KBTBD8: variants seen among roughly 807,000 people sequenced by gnomAD.
The protein encoded by KBTBD8 is kelch repeat and BTB domain containing 8.
Under a neutral mutation model 53.5 loss-of-function variants are expected in KBTBD8, and 31 were observed. The observed-to-expected ratio is 0.58, with a 90% CI of 0.44 to 0.78. The LOEUF is 0.78. KBTBD8 is among the 30% of genes least tolerant of loss of function. KBTBD8 has a pLI of 0.00. For synonymous variants in KBTBD8, 250 were observed against 247.3 expected (o/e 1.01, Z -0.10); for missense variants, 642 against 735.8 (o/e 0.87, Z 1.48).
intron 3 of KBTBD8, among the ~76,000 whole-genome samples, chr3:67,005,496 C>G (rs1702057189): frequency 6.6e-6 from 1 of 152,162 alleles, no homozygotes; most frequent in African/African-American, 2.4e-5. Flanking sequence ...AAGCTCCCAT[C>G]TAGGTTTGTG....
chr3:67,007,319 G>GTTTTTT (rs35767804), intron 3 of KBTBD8, among the ~76,000 whole-genome samples: 1 of 134,394 alleles, frequency 7.4e-6, no homozygotes, highest in Non-Finnish European at 1.6e-5. Context: ...TCAAGTTTGT[G>GTTTTTT]TTTTTTTTTT....
At chr3:67,006,800 T>C (rs148310018) in intron 3 of KBTBD8, among the ~76,000 whole-genome samples, 2 of 152,258 alleles carry the variant, frequency 1.3e-5, no homozygotes, top group Non-Finnish European at 2.9e-5. Context: ...CAGAAGCTTA[T>C]GTTGTACTAT....
chr3:67,000,526 T>C (rs1267194799), intron 2 of KBTBD8, among the ~76,000 whole-genome samples: 1 of 152,208 alleles, frequency 6.6e-6, no homozygotes, highest in African/African-American at 2.4e-5. Context: ...ATTTTACTTA[T>C]GAAGAAGCTG....
chr3:67,004,586 TTAATAAA>T (rs1274612842), intron 3 of KBTBD8, among the ~76,000 whole-genome samples: 1 of 152,234 alleles, frequency 6.6e-6, no homozygotes, highest in Non-Finnish European at 1.5e-5. Flanking sequence ...AAAACATTCT[TTAATAAA>T]TAATAGTTCG....
chr3:66,998,387 G>C lies in KBTBD8; in HGVS notation c.16+16G>C. 7.7e-7 allele frequency: 1 copy of C among 1,292,412 alleles called. No individual in the cohort carries two copies. The highest frequency in any genetic ancestry group is 9.9e-7 in the Non-Finnish European group (1 of 1,012,130). The allele number at this position is 1,292,412 out of a possible 1,614,324, so 80.1% of individuals were successfully genotyped here. On this transcript the variant is annotated intron_variant, in intron 1 of 3. Coordinates refer to ENST00000417314, the MANE Select transcript of KBTBD8 (RefSeq NM_032505.3). ...GCGTCGGCAGGTGGGTCGTGTGGTG[G>C]CCAGGGCGGCGTGGAGGGAGGTGAG...
At position 67,011,170 on chromosome 3, in the gene KBTBD8, A is replaced by T. The variant is rs1702113324; in HGVS notation, c.*2785A>T. 1 of 152,570 alleles carries T rather than the reference A, an allele frequency of 6.6e-6. No individual in the cohort carries two copies. Among genetic ancestry groups the T allele is most frequent in the South Asian group, 2.1e-4 (1 of 4,828 alleles). The allele number at this position is 152,570 out of a possible 1,614,324, so 9.5% of individuals were successfully genotyped here. The stretch of plus-strand genomic sequence containing the variant: ...GCACAATTTTTTGCATTTTTACCTG[A>T]TGTCATTGTTTCTTATAATAAAACC... On this transcript the variant is annotated 3_prime_UTR_variant, in exon 4 of 4. Transcript: ENST00000417314.
Position 67,004,040 on chromosome 3 carries a change from A to G in KBTBD8, c.1073A>G (p.Asn358Ser). Residue 358 changes from asparagine (N) to serine (S), a missense_variant, in exon 3 of 4, where the codon AAT becomes AGT. Transcript: ENST00000417314. ...GTCTCCATCGACCATAAGGCAGAAAATGATTTCTGGATGTATGATCATTCC... is the reference window on the plus strand; with the variant it reads ...GTCTCCATCGACCATAAGGCAGAAAGTGATTTCTGGATGTATGATCATTCC... Reference protein sequence around the residue: ...SEVSIDHKAENDFWMYDHSTN... With the variant: ...SEVSIDHKAESDFWMYDHSTN... 6.2e-7 allele frequency: 1 copy of G among 1,614,136 alleles called. No individual in the cohort carries two copies. Among genetic ancestry groups the G allele is most frequent in the Admixed American group, 1.7e-5 (1 of 60,016 alleles).
At chr3:66,998,868 T>C in intron 1 of KBTBD8, 113 bp from the exon 2 acceptor site, 1 of 797,836 alleles carries the variant, frequency 1.3e-6, no homozygotes. Context: ...CAGACATTTG[T>C]ATATATCTTG....
intron 3 of KBTBD8, among the ~76,000 whole-genome samples, 200 bp from the exon 4 acceptor site, chr3:67,007,722 T>C (rs981264697): frequency 6.6e-6 from 1 of 152,152 alleles, no homozygotes; most frequent in Non-Finnish European, 1.5e-5. Context: ...ATCTGTTATA[T>C]TGTGTCATGG....
At chr3:66,999,284 A>G (rs1254172118) in intron 2 of KBTBD8, 93 bp downstream of exon 2, 12 of 973,092 alleles carry the variant, frequency 1.2e-5, no homozygotes, top group Non-Finnish European at 1.9e-5. Flanking sequence ...GAGATGCGAT[A>G]ATGAAATGAA....
rs765704147 is a variant in KBTBD8 at position 67,004,232 on chromosome 3, C to T, written c.1265C>T (p.Thr422Met). The T allele has an allele frequency of 1.5e-5, 24 of 1,613,992 alleles. No individual in the cohort carries two copies. The highest frequency in any genetic ancestry group is 3.3e-4 in the Middle Eastern group (2 of 6,084). Residue 422 changes from threonine to methionine, a missense_variant, in exon 3 of 4, where the codon ACG becomes ATG. Thr to Met is a moderately conservative substitution (Grantham distance 81). Coordinates refer to ENST00000417314, the MANE Select transcript of KBTBD8 (RefSeq NM_032505.3). The stretch of plus-strand genomic sequence containing the variant: ...TACGACAGTAGAGAGAATTGTTGGA[C>T]GACTGTTTGCGCGATGCCAGTTGCA... The part of the protein sequence containing the change: ...ECYDSRENCW[T>M]TVCAMPVAME...
At chr3:66,999,854 A>G (rs1206275262) in intron 2 of KBTBD8, among the ~76,000 whole-genome samples, 1 of 152,190 alleles carries the variant, frequency 6.6e-6, no homozygotes, top group Non-Finnish European at 1.5e-5. Flanking sequence ...AATATCCAAG[A>G]TTTCTAGAAG....
rs751414051 is a variant in KBTBD8, at chr3:67,003,431, T to A, written c.464T>A (p.Val155Asp). Reference protein sequence around the residue: ...SHLDPQNSIGVFIFADHYGHQ... With the variant: ...SHLDPQNSIGDFIFADHYGHQ... ...TTGGACCCACAGAATTCTATTGGGGTCTTTATCTTTGCTGATCATTATGGT... is the reference window on the plus strand; with the variant it reads ...TTGGACCCACAGAATTCTATTGGGGACTTTATCTTTGCTGATCATTATGGT... The change falls in exon 3 of 4, where the codon GTC (valine) becomes GAC (aspartate). Residue 155 changes from valine (V) to aspartate (D), a missense_variant. Val to Asp is a radical substitution (Grantham distance 152). Transcript: ENST00000417314. The A allele has an allele frequency of 6.2e-7, 1 of 1,613,956 alleles. No homozygotes were observed. The highest frequency in any genetic ancestry group is 8.5e-7 in the Non-Finnish European group (1 of 1,179,914).
chr3:67,001,880 A>G (rs1373596932), intron 2 of KBTBD8, among the ~76,000 whole-genome samples: 1 of 152,182 alleles, frequency 6.6e-6, no homozygotes, highest in East Asian at 1.9e-4. Context: ...TTTGCAATTC[A>G]TTTTTCATAA....
In KBTBD8 at chr3:67,008,126, C is replaced by A. The variant is rs763821679; in HGVS notation, c.1547C>A (p.Pro516Gln). ...AAATGGACTCGTAAGAAAGACTTTCCATGTGATCAGTCCATAAATCCATAC... is the reference window on the plus strand; with the variant it reads ...AAATGGACTCGTAAGAAAGACTTTCAATGTGATCAGTCCATAAATCCATAC... ...LNKWTRKKDF[P>Q]CDQSINPYLK... Residue 516 changes from proline to glutamine, a missense_variant, in exon 4 of 4, where the codon CCA (proline) becomes CAA (glutamine). Coordinates refer to ENST00000417314, the MANE Select transcript of KBTBD8 (RefSeq NM_032505.3). 2 of 1,614,024 alleles carry A rather than the reference C, an allele frequency of 1.2e-6. No homozygotes were observed. Among genetic ancestry groups the A allele is most frequent in the Non-Finnish European group, 1.7e-6 (2 of 1,179,968 alleles).
In KBTBD8 at chr3:67,003,285, C is replaced by A. The variant is rs1575579422; in HGVS notation, c.318C>A (p.Asn106Lys). The A allele has an allele frequency of 6.2e-7, 1 of 1,613,938 alleles. No individual in the cohort carries two copies. The highest frequency in any genetic ancestry group is 2.2e-5 in the East Asian group (1 of 44,886). Reference protein sequence around the residue: ...VEAESMDLVLNYAYTSRVILT... With the variant: ...VEAESMDLVLKYAYTSRVILT... The stretch of plus-strand genomic sequence containing the variant: ...CTGAATCGATGGATTTAGTGTTGAA[C>A]TATGCCTACACTTCCAGAGTTATTC... The change falls in exon 3 of 4, where the codon AAC becomes AAA. Residue 106 changes from asparagine to lysine, a missense_variant. Transcript: ENST00000417314.
Position 67,010,183 on chromosome 3 carries a change from T to C in KBTBD8, c.*1798T>C, listed in dbSNP as rs1419742776. On this transcript the variant is annotated 3_prime_UTR_variant, in exon 4 of 4. Transcript: ENST00000417314. ...TTTATCTTCTGTTTTGTTTTTGTTT[T>C]TATCATCATGATGTTTTGGAGTTAT... The C allele has an allele frequency of 6.6e-6, 1 of 152,612 alleles. No individual in the cohort carries two copies. Among genetic ancestry groups the C allele is most frequent in the African/African-American group, 2.4e-5 (1 of 41,454 alleles). 9.5% of individuals were successfully genotyped at this position (152,612 alleles called of 1,614,324 possible).
chr3:67,008,492 A>G lies in KBTBD8; in HGVS notation c.*107A>G, dbSNP rs558663522. ...TCAGAAAGCTGAGAGAGTTTTATAC[A>G]TGGAAAATGGGTATGCTTAAAGATT... On this transcript the variant is annotated 3_prime_UTR_variant, in exon 4 of 4. Transcript: ENST00000417314. 5 of 744,232 alleles carry G rather than the reference A, an allele frequency of 6.7e-6. No individual in the cohort carries two copies. The African/African-American group carries it at 7.0e-5, about 10-fold the overall frequency. The allele number at this position is 744,232 out of a possible 1,614,324, so 46.1% of individuals were successfully genotyped here.
chr3:66,998,420 G>A (rs1315692439), intron 1 of KBTBD8, 49 bp downstream of exon 1: 5 of 1,240,948 alleles, frequency 4.0e-6, no homozygotes, highest in Non-Finnish European at 5.1e-6. Context: ...GAGGGGGAAG[G>A]TGGGCCGGGG....
Sources: allele counts gnomAD v4.1 joint callset (sites outside exome capture counted in the v4.1 genomes callset), GRCh38; gene constraint gnomAD v4.1.1; transcripts MANE v1.5; gene names NCBI Gene and HGNC (gene_info 2026-07-23, HGNC 2026-07-21).